Variants in NRIP1 observed in about 807,000 individuals in gnomAD.
The protein encoded by NRIP1 is nuclear receptor-interacting protein 1.
NRIP1 carries 28 observed loss-of-function variants against 75.0 expected under a neutral mutation model. The observed-to-expected ratio is 0.37, with a 90% CI of 0.28 to 0.51. The LOEUF (loss-of-function observed/expected upper bound fraction) is 0.51. Ranked by LOEUF, NRIP1 falls within the 20% of genes least tolerant of loss-of-function variation. The pLI is 0.92. For missense variants in NRIP1, 1,435 were observed against 1,343.7 expected, an observed-to-expected ratio of 1.07 and a Z score of -1.06; for synonymous variants, 526 against 487.6, an observed-to-expected ratio of 1.08 and a Z score of -1.04.
intron 3 of NRIP1, chr21:14,991,373 T>C (rs2087567441): frequency 6.6e-6 from 1 of 151,336 alleles, no homozygotes; most frequent in African/African-American, 2.4e-5. Flanking sequence ...ACTCTATTCA[T>C]TTAAAAAAAG....
chr21:15,031,867 A>T (rs1037700869), intron 2 of NRIP1, among the ~76,000 whole-genome samples: 1 of 150,394 alleles, frequency 6.6e-6, no homozygotes, highest in African/African-American at 2.5e-5. Context: ...TTCCCTTTCT[A>T]TGTGTATACA....
intron 3 of NRIP1, chr21:14,992,977 C>A (rs1271986599): frequency 6.5e-6 from 1 of 153,632 alleles, no homozygotes; most frequent in East Asian, 1.9e-4. Flanking sequence ...AAAAAATGGT[C>A]ATTGGATAGC....
At chr21:14,975,921 T>C (rs1054516913) in intron 3 of NRIP1, among the ~76,000 whole-genome samples, 2 of 152,184 alleles carry the variant, frequency 1.3e-5, no homozygotes, top group Admixed American at 6.6e-5. Context: ...AAGGTTCCAA[T>C]GGACATATAT....
At chr21:15,053,347 A>G (rs1682971059) in intron 1 of NRIP1, among the ~76,000 whole-genome samples, 1 of 152,226 alleles carries the variant, frequency 6.6e-6, no homozygotes, top group African/African-American at 2.4e-5. Context: ...ATAAATAGAT[A>G]GATGTATGGT....
At chr21:15,026,843 G>GA (rs1432296597) in intron 2 of NRIP1, among the ~76,000 whole-genome samples, 1 of 151,956 alleles carries the variant, frequency 6.6e-6, no homozygotes, top group Non-Finnish European at 1.5e-5. Flanking sequence ...AATATAAGTT[G>GA]AAAAAACAAG....
chr21:15,047,296 C>G (rs1401121463), intron 1 of NRIP1, among the ~76,000 whole-genome samples: 1 of 108,112 alleles, frequency 9.2e-6, no homozygotes, highest in African/African-American at 4.4e-5. Context: ...AATTCCAGCA[C>G]TTTGGGAGGC....
chr21:14,997,070 C>A (rs1266419661), intron 3 of NRIP1, among the ~76,000 whole-genome samples: 1 of 152,092 alleles, frequency 6.6e-6, no homozygotes, highest in Non-Finnish European at 1.5e-5. Flanking sequence ...ACTGTGTTAA[C>A]TGCTCTTCAT....
At chr21:15,049,878 G>GCTA (rs2089165531) in intron 1 of NRIP1, among the ~76,000 whole-genome samples, 1 of 151,992 alleles carries the variant, frequency 6.6e-6, no homozygotes, top group Non-Finnish European at 1.5e-5. Context: ...TTCAAGAGAT[G>GCTA]CTACTCCACA....
intron 3 of NRIP1, among the ~76,000 whole-genome samples, chr21:15,007,999 C>T (rs918239735): frequency 3.9e-5 from 6 of 152,124 alleles, no homozygotes; most frequent in Non-Finnish European, 5.9e-5. Flanking sequence ...CTTGGTATTC[C>T]GATCCAGCTG....
chr21:14,980,662 A>C (rs1236536863), intron 3 of NRIP1, among the ~76,000 whole-genome samples: 1 of 148,284 alleles, frequency 6.7e-6, no homozygotes, highest in African/African-American at 2.6e-5. Context: ...ATTTTGAAGG[A>C]TGCATAAAGC....
chr21:15,050,360 C>A, intron 1 of NRIP1: 1 of 213,280 alleles, frequency 4.7e-6, no homozygotes, highest in Non-Finnish European at 9.5e-6. Context: ...TCTGCCTATC[C>A]CAAAAGAATC....
rs1265263789 is a variant in NRIP1 at position 14,964,896 on chromosome 21, GAC to G, written c.3295_3296del (p.Val1099LeufsTer21). ...ACTCTTCTTTGGCTGTGACCTGTGA[GAC>G]ACTTTCAGCAGATGAAGCCTCCCTC... ...IWREASSAES[V>X]SQVTAKEELL... On this transcript the variant is annotated frameshift_variant, in exon 4 of 4. Coordinates refer to ENST00000318948, the MANE Select transcript of NRIP1 (RefSeq NM_003489.4). LOFTEE classifies it high-confidence loss of function. The G allele has an allele frequency of 6.2e-7, 1 of 1,613,204 alleles. No homozygotes were observed. Among genetic ancestry groups the G allele is most frequent in the East Asian group, 2.2e-5 (1 of 44,878 alleles).
At chr21:15,050,830 T>C (rs1313950770) in intron 1 of NRIP1, 1 of 455,954 alleles carries the variant, frequency 2.2e-6, no homozygotes, top group African/African-American at 2.0e-5. Flanking sequence ...TCCACAGCGA[T>C]ACCTCCTCTA....
rs78032084 is a variant in NRIP1, at chr21:14,992,295, G to C, written c.-335+22049C>G. ...AACTCCCGGACTCAAGTGATCCCCC[G>C]ACCAGGCCTCCCAAAGTGCTGGGAT... On this transcript the variant is annotated intron_variant, in intron 3 of 3. Transcript: ENST00000318948. 2,633 of 152,150 alleles carry C rather than the reference G, an allele frequency of 0.017. 243 individuals are homozygous for C. The East Asian group carries it at 0.28, about 16-fold the overall frequency. 9.4% of individuals were successfully genotyped at this position (152,150 alleles called of 1,614,324 possible). A position where few individuals can be genotyped will look rare whatever the true frequency, so the allele number is the denominator to read the frequency against.
At chr21:15,016,971 GAAAA>G (rs1347289354) in intron 2 of NRIP1, among the ~76,000 whole-genome samples, 2 of 150,230 alleles carry the variant, frequency 1.3e-5, no homozygotes, top group African/African-American at 4.9e-5. Context: ...AAGAAAGAAA[GAAAA>G]GAGAAAGAAA....
At chr21:15,013,520 C>T (rs1568979796) in intron 3 of NRIP1, among the ~76,000 whole-genome samples, 1 of 152,134 alleles carries the variant, frequency 6.6e-6, no homozygotes, top group Non-Finnish European at 1.5e-5. Flanking sequence ...CTAGATGAAA[C>T]TGAACTATTC....
In NRIP1 at chr21:15,003,660, A is replaced by G. The variant is rs2087898757; in HGVS notation, c.-335+10684T>C. On this transcript the variant is annotated intron_variant, in intron 3 of 3. Coordinates refer to ENST00000318948, the MANE Select transcript of NRIP1 (RefSeq NM_003489.4). ...CATCTATAATCCACCACCATTTGTC[A>G]GCAGGGAGGCTGGAGGAGGCAGGCT... Among the ~76,000 whole-genome samples, 3 of 152,182 alleles carry G rather than the reference A, an allele frequency of 2.0e-5. No homozygotes were observed. The South Asian group carries it at 6.2e-4, about 32-fold the overall frequency.
At chr21:14,994,968 G>C (rs1175321629) in intron 3 of NRIP1, among the ~76,000 whole-genome samples, 6 of 152,172 alleles carry the variant, frequency 3.9e-5, no homozygotes, top group Admixed American at 6.6e-5. Flanking sequence ...TATTTTATCA[G>C]TACTACAAAA....
chr21:15,024,567 AGTGTGTGTGT>A (rs60376904), intron 2 of NRIP1, among the ~76,000 whole-genome samples: 4 of 145,664 alleles, frequency 2.7e-5, no homozygotes, highest in East Asian at 2.0e-4. Context: ...TGGTATCCAG[AGTGTGTGTGT>A]GTGTGTGTGT....
Sources: gnomAD v4.1 joint callset for allele counts (sites outside exome capture counted in the v4.1 genomes callset) on GRCh38, gnomAD v4.1.1 for gene constraint, MANE v1.5 for transcripts, NCBI Gene and HGNC (gene_info 2026-07-23, HGNC 2026-07-21) for gene names.